LRMDA: variants seen among roughly 807,000 people sequenced by gnomAD.
LRMDA encodes leucine-rich melanocyte differentiation-associated protein.
Under a neutral mutation model 29.8 loss-of-function variants are expected in LRMDA, and 18 were observed. The observed-to-expected ratio is 0.60, with a 90% confidence interval of 0.42 to 0.90. The LOEUF (loss-of-function observed/expected upper bound fraction) is 0.90, where lower values mean the gene tolerates loss of function less well. Among genes scored for constraint, LRMDA ranks in the 40% least tolerant of loss-of-function variants. The probability of loss-of-function intolerance (pLI) is 0.00; values close to 1 mark genes in which losing one functional copy is unlikely to be tolerated. For synonymous variants in LRMDA, 125 were observed against 109.4 expected (o/e 1.14, Z -0.89); for missense variants, 273 against 273.9 (o/e 1.00, Z 0.02).
At chr10:76,084,908 T>G (rs1426386461) in intron 5 of LRMDA, among the ~76,000 whole-genome samples, 2 of 152,206 alleles carry the variant, frequency 1.3e-5, no homozygotes, top group African/African-American at 4.8e-5. Context: ...CAATGTCATC[T>G]TCATTACACT....
At chr10:75,885,275 T>G (rs532451067) in intron 2 of LRMDA, among the ~76,000 whole-genome samples, 1 of 152,330 alleles carries the variant, frequency 6.6e-6, no homozygotes, top group South Asian at 2.1e-4. Flanking sequence ...GCTGTTTGCA[T>G]GCTTGGTAGG....
intron 5 of LRMDA, among the ~76,000 whole-genome samples, chr10:76,179,158 G>A (rs1850994643): frequency 6.6e-6 from 1 of 152,096 alleles, no homozygotes; most frequent in African/African-American, 2.4e-5. Context: ...GTTCACTGTT[G>A]TAGAATGGAG....
In LRMDA at chr10:75,613,595, G is replaced by T. The variant is rs563269927; in HGVS notation, c.131+175101G>T. On this transcript the variant is annotated intron_variant, in intron 2 of 6. Coordinates refer to ENST00000611255, the MANE Select transcript of LRMDA (RefSeq NM_001305581.2). ...AGCACCTTTAGGTGTGATTGCTAAT[G>T]GTATGGTGTTTGCAGAGTTCTCCAG... is the stretch of plus-strand genomic sequence containing the variant. Among the ~76,000 whole-genome samples, 17 of 152,234 alleles carry T rather than the reference G, an allele frequency of 1.1e-4. No homozygotes were observed. In the South Asian group the frequency reaches 3.3e-3, roughly 30 times the overall value.
intron 6 of LRMDA, among the ~76,000 whole-genome samples, chr10:76,451,552 G>T (rs1842406855): frequency 6.6e-6 from 1 of 151,670 alleles, no homozygotes; most frequent in Non-Finnish European, 1.5e-5. Context: ...GATATTTTGA[G>T]CAAGCTAGGG....
In LRMDA at chr10:76,235,579, G is replaced by C. The variant is rs1259242064; in HGVS notation, c.517-88822G>C. Among the ~76,000 whole-genome samples the C allele has an allele frequency of 2.0e-5, 3 of 152,120 alleles. No individual in the cohort carries two copies. The East Asian group carries it at 5.8e-4, about 29-fold the overall frequency. On this transcript the variant is annotated intron_variant, in intron 5 of 6. Transcript: ENST00000611255. The stretch of plus-strand genomic sequence containing the variant: ...GCCCTCAGAATAGGTGACAGCCTGC[G>C]ACAGGGTCTTTCTGGGTGTGGTGTC...
intron 2 of LRMDA, among the ~76,000 whole-genome samples, chr10:75,686,157 A>G (rs1467009806): frequency 1.3e-5 from 2 of 152,202 alleles, no homozygotes; most frequent in Non-Finnish European, 2.9e-5. Flanking sequence ...TGGCTTAGTC[A>G]GGGAGGACAG....
At chr10:75,853,265 G>T (rs1844763559) in intron 2 of LRMDA, among the ~76,000 whole-genome samples, 1 of 152,152 alleles carries the variant, frequency 6.6e-6, no homozygotes, top group African/African-American at 2.4e-5. Flanking sequence ...CCTATCATCT[G>T]CTGCAGGCCT....
chr10:75,619,203 G>C (rs897578818), intron 2 of LRMDA, among the ~76,000 whole-genome samples: 7 of 152,142 alleles, frequency 4.6e-5, no homozygotes, highest in Non-Finnish European at 7.4e-5. Flanking sequence ...AGGAGGTCTT[G>C]GTGTTTCAGG....
At chr10:75,750,373 G>A (rs1191672802) in intron 2 of LRMDA, among the ~76,000 whole-genome samples, 1 of 150,600 alleles carries the variant, frequency 6.6e-6, no homozygotes, top group Non-Finnish European at 1.5e-5. Context: ...GGGCAGCAGG[G>A]CAGAGACGCT....
chr10:76,382,615 C>G (rs1040308778), intron 6 of LRMDA, among the ~76,000 whole-genome samples: 5 of 152,230 alleles, frequency 3.3e-5, no homozygotes, highest in Non-Finnish European at 7.3e-5. Flanking sequence ...GAGACATAAA[C>G]TAAACTCCTT....
chr10:75,692,219 A>AAAAAATAT (rs1353540469), intron 2 of LRMDA, among the ~76,000 whole-genome samples: 2 of 87,548 alleles, frequency 2.3e-5, no homozygotes, highest in African/African-American at 1.1e-4. Context: ...AAAAAAAAAA[A>AAAAAATAT]ATATATATAT....
intron 5 of LRMDA, among the ~76,000 whole-genome samples, chr10:76,153,467 T>C (rs1045361475): frequency 2.6e-5 from 4 of 152,178 alleles, no homozygotes; most frequent in Non-Finnish European, 5.9e-5. Context: ...CATTTAGGTC[T>C]TTTATTAAGT....
chr10:75,601,236 A>T (rs952311689), intron 2 of LRMDA: 1 of 152,240 alleles, frequency 6.6e-6, no homozygotes, highest in East Asian at 1.9e-4. Flanking sequence ...TATTTGTCCC[A>T]TGGATGGCTG....
At position 76,557,307 on chromosome 10, in the gene LRMDA, T is replaced by A. The variant is rs765608620; in HGVS notation, c.*19T>A. Reference sequence around the variant, plus strand: ...GCTCTGAAGCCAACTTCTGTATACCTTCACCCATTTCATGAAAATAAAATC... The same window carrying A: ...GCTCTGAAGCCAACTTCTGTATACCATCACCCATTTCATGAAAATAAAATC... On this transcript the variant is annotated 3_prime_UTR_variant, in exon 7 of 7. Transcript: ENST00000611255. 5.8e-6 allele frequency: 9 copies of A among 1,561,126 alleles called. No homozygotes were observed. The Admixed American group carries it at 1.4e-4, about 24-fold the overall frequency.
intron 2 of LRMDA, among the ~76,000 whole-genome samples, chr10:75,770,266 G>A (rs538616547): frequency 4.6e-5 from 7 of 152,270 alleles, no homozygotes; most frequent in African/African-American, 1.7e-4. Flanking sequence ...ACTCCAGCCT[G>A]GGTGTCTGAG....
At chr10:75,971,494 A>G (rs192438248) in intron 2 of LRMDA, among the ~76,000 whole-genome samples, 5 of 152,256 alleles carry the variant, frequency 3.3e-5, no homozygotes, top group African/African-American at 1.2e-4. Context: ...CTCATCAAGA[A>G]CTTCCTTTTC....
intron 2 of LRMDA, among the ~76,000 whole-genome samples, chr10:76,035,067 A>T (rs1848217636): frequency 1.3e-5 from 2 of 151,444 alleles, no homozygotes; most frequent in African/African-American, 4.9e-5. Context: ...AGCGATGTGT[A>T]TAAGCAAGGC....
At chr10:76,207,950 C>T (rs562491896) in intron 5 of LRMDA, among the ~76,000 whole-genome samples, 3 of 152,076 alleles carry the variant, frequency 2.0e-5, no homozygotes, top group South Asian at 2.1e-4. Flanking sequence ...GGTGACAGAA[C>T]GAGACTCCAT....
chr10:76,179,256 G>GT (rs1312552530), intron 5 of LRMDA, among the ~76,000 whole-genome samples: 1 of 151,992 alleles, frequency 6.6e-6, no homozygotes, highest in African/African-American at 2.4e-5. Flanking sequence ...TGGTGGAGGA[G>GT]TAGAGGACAT....
Sources: gnomAD v4.1 joint callset for allele counts (sites outside exome capture counted in the v4.1 genomes callset) on GRCh38, gnomAD v4.1.1 for gene constraint, MANE v1.5 for transcripts, NCBI Gene and HGNC (gene_info 2026-07-23, HGNC 2026-07-21) for gene names.